The following NRCAM variants were observed in gnomAD, a reference collection of about 807,000 sequenced individuals.
The protein encoded by NRCAM is NgCAM-related cell adhesion molecule.
NRCAM carries 83 observed loss-of-function variants against 156.5 expected under a neutral mutation model. The ratio of observed to expected loss-of-function variants is 0.53; its 90% CI spans 0.44 to 0.64. The LOEUF is 0.64. NRCAM is among the 30% of genes least tolerant of loss of function. The pLI, the probability that NRCAM is intolerant of heterozygous loss-of-function variation, is 0.00. For synonymous variants in NRCAM, 538 were observed against 563.9 expected (o/e 0.95, Z 0.65); for missense variants, 1,417 against 1,597.3 (o/e 0.89, Z 1.92).
chr7:108,452,409 G>T (rs544118006), intron 1 of NRCAM, among the ~76,000 whole-genome samples: 2 of 86,278 alleles, frequency 2.3e-5, no homozygotes, highest in East Asian at 2.3e-4. Flanking sequence ...TTAATGCTGT[G>T]GGGGGGGGAA....
chr7:108,258,856 C>T (rs2153982326), intron 3 of NRCAM, among the ~76,000 whole-genome samples: 1 of 152,336 alleles, frequency 6.6e-6, no homozygotes, highest in South Asian at 2.1e-4. Context: ...TACTTGGTTC[C>T]TATCCTCCTT....
In NRCAM at chr7:108,184,500, T is replaced by TAGTTCA; in HGVS notation, c.2144_2149dup (p.Asn716_Tyr717insLeuAsn). 6.2e-7 allele frequency: 1 copy of TAGTTCA among 1,613,976 alleles called. No homozygotes were observed. The highest frequency in any genetic ancestry group is 8.5e-7 in the Non-Finnish European group (1 of 1,179,994). On this transcript the variant is annotated inframe_insertion, in exon 21 of 33. Transcript: ENST00000379028. ...GTTCACTGCCATCACGCGGAAGGAGTAGTTCACGTAAGGAGACAGCTTCAG... is the reference window on the plus strand; with the variant it reads ...GTTCACTGCCATCACGCGGAAGGAGTAGTTCAAGTTCACGTAAGGAGACAGCTTCAG...
chr7:108,329,996 G>T (rs944098418), intron 2 of NRCAM, among the ~76,000 whole-genome samples: 7 of 152,150 alleles, frequency 4.6e-5, no homozygotes, highest in African/African-American at 1.7e-4. Context: ...ATGTATATGT[G>T]TTACTAGTGG....
At chr7:108,445,937 G>A (rs1843669571) in intron 1 of NRCAM, among the ~76,000 whole-genome samples, 1 of 152,110 alleles carries the variant, frequency 6.6e-6, no homozygotes, top group African/African-American at 2.4e-5. Flanking sequence ...TCACAAACCA[G>A]TCTCTTCATT....
intron 1 of NRCAM, among the ~76,000 whole-genome samples, chr7:108,415,789 G>A (rs1296137466): frequency 6.6e-6 from 1 of 152,224 alleles, no homozygotes; most frequent in African/African-American, 2.4e-5. Context: ...GGCTGAGGCA[G>A]GACAGTCACT....
intron 30 of NRCAM, among the ~76,000 whole-genome samples, 158 bp from the exon 31 acceptor site, chr7:108,160,650 T>C (rs997634037): frequency 6.6e-6 from 1 of 152,230 alleles, no homozygotes; most frequent in African/African-American, 2.4e-5. Context: ...AGGAATTATA[T>C]GAATAATTAA....
intron 1 of NRCAM, among the ~76,000 whole-genome samples, chr7:108,414,355 C>G (rs980001383): frequency 9.2e-5 from 14 of 152,156 alleles, no homozygotes; most frequent in Non-Finnish European, 2.1e-4. Context: ...TGGCTTCCCC[C>G]GTTCCCTCAC....
chr7:108,284,694 C>T (rs1017707933), intron 3 of NRCAM, among the ~76,000 whole-genome samples: 5 of 152,188 alleles, frequency 3.3e-5, no homozygotes, highest in Non-Finnish European at 7.3e-5. Context: ...CAACTCAAAG[C>T]TTATACGGAA....
chr7:108,436,317 G>C (rs1554646638), intron 1 of NRCAM, among the ~76,000 whole-genome samples: 1 of 152,106 alleles, frequency 6.6e-6, no homozygotes, highest in Non-Finnish European at 1.5e-5. Context: ...GTAAAACCAA[G>C]AAACAAACAA....
rs201240389 is a variant in NRCAM, at chr7:108,324,877, C to CATTTTTTTTTTTTTTTTTTTTTTTTTTT, written c.-173-12147_-173-12146insAAAAAAAAAAAAAAAAAAAAAAAAAAAT. Among the ~76,000 whole-genome samples the CATTTTTTTTTTTTTTTTTTTTTTTTTTT allele has an allele frequency of 3.6e-5, 3 of 82,676 alleles. 1 individual carries two copies. Among genetic ancestry groups the CATTTTTTTTTTTTTTTTTTTTTTTTTTT allele is most frequent in the Admixed American group, 1.4e-4 (1 of 6,934 alleles). The allele number at this position is 82,676 out of a possible 152,430, so 54.2% of individuals were successfully genotyped here. On this transcript the variant is annotated intron_variant, in intron 2 of 32. Transcript: ENST00000379028. ...TGTTTGTGTAATATTTGGCACTGTA[C>CATTTTTTTTTTTTTTTTTTTTTTTTTTT]TTTTTTTTTTTTTTTTTTTTTTTTT...
chr7:108,381,549 ATTTT>A (rs34858873), intron 2 of NRCAM, among the ~76,000 whole-genome samples: 1 of 134,160 alleles, frequency 7.5e-6, no homozygotes, highest in African/African-American at 2.8e-5. Context: ...GGCTTTGACC[ATTTT>A]TTTTTTTCTT....
intron 29 of NRCAM, among the ~76,000 whole-genome samples, 180 bp from the exon 30 acceptor site, chr7:108,167,253 G>A (rs557289686): frequency 6.6e-6 from 1 of 152,244 alleles, no homozygotes; most frequent in Non-Finnish European, 1.5e-5. Context: ...TGACCTACAG[G>A]AAAATATCCT....
intron 2 of NRCAM, among the ~76,000 whole-genome samples, chr7:108,347,192 C>G (rs926991388): frequency 6.6e-6 from 1 of 152,084 alleles, no homozygotes; most frequent in Middle Eastern, 3.4e-3. Context: ...CGCCTGCCAC[C>G]ATGCCTGGCT....
At chr7:108,432,300 T>C (rs1251797285) in intron 1 of NRCAM, among the ~76,000 whole-genome samples, 1 of 152,260 alleles carries the variant, frequency 6.6e-6, no homozygotes, top group African/African-American at 2.4e-5. Context: ...CTATTTCCAC[T>C]GACTCTTCAG....
chr7:108,375,197 T>C (rs576872330), intron 2 of NRCAM, among the ~76,000 whole-genome samples: 26 of 152,236 alleles, frequency 1.7e-4, no homozygotes, highest in African/African-American at 6.3e-4. Flanking sequence ...TTGTAGTCCA[T>C]GAGCTACTTG....
chr7:108,414,703 G>C (rs969884127), intron 1 of NRCAM, among the ~76,000 whole-genome samples: 20 of 152,282 alleles, frequency 1.3e-4, no homozygotes, highest in African/African-American at 4.3e-4. Flanking sequence ...AAAACAAAAA[G>C]TATTCACAGA....
chr7:108,301,902 C>T (rs975027718), intron 3 of NRCAM, among the ~76,000 whole-genome samples: 5 of 152,000 alleles, frequency 3.3e-5, no homozygotes, highest in African/African-American at 9.7e-5. Flanking sequence ...CTGAGACTTG[C>T]GACTCAGCTT....
intron 2 of NRCAM, among the ~76,000 whole-genome samples, chr7:108,339,813 TC>T (rs1319794602): frequency 1.8e-4 from 27 of 151,852 alleles, no homozygotes; most frequent in Admixed American, 1.7e-3. Context: ...TGGGAAATGT[TC>T]CCCCTCAAGG....
chr7:108,154,213 T>G (rs1030097005), intron 32 of NRCAM, among the ~76,000 whole-genome samples: 1 of 152,186 alleles, frequency 6.6e-6, no homozygotes, highest in Non-Finnish European at 1.5e-5. Flanking sequence ...GGTGCAGAGA[T>G]AGACAGATTG....
Sources: gnomAD v4.1 joint callset for allele counts (sites outside exome capture counted in the v4.1 genomes callset) on GRCh38, gnomAD v4.1.1 for gene constraint, MANE v1.5 for transcripts, NCBI Gene and HGNC (gene_info 2026-07-23, HGNC 2026-07-21) for gene names.